CADM2: variants seen among roughly 807,000 people sequenced by gnomAD.
CADM2 encodes cell adhesion molecule 2.
A neutral mutation model predicts 49.8 loss-of-function variants in CADM2; 12 were observed. That is an observed-to-expected ratio of 0.24 (90% CI 0.15 to 0.39). The LOEUF is 0.39. Among genes scored for constraint, CADM2 ranks in the 10% least tolerant of loss-of-function variants. CADM2 has a pLI of 1.00. For missense variants in CADM2, 378 were observed against 492.3 expected, an observed-to-expected ratio of 0.77 and a Z score of 2.20; for synonymous variants, 214 against 175.4, an observed-to-expected ratio of 1.22 and a Z score of -1.74.
intron 3 of CADM2, chr3:85,828,062 G>C (rs1448676687): frequency 6.6e-6 from 1 of 151,980 alleles, no homozygotes; most frequent in African/African-American, 2.4e-5. Flanking sequence ...TGCAAGTGAA[G>C]TTGGGAAACA....
intron 1 of CADM2, among the ~76,000 whole-genome samples, chr3:85,378,306 A>G (rs988105123): frequency 6.6e-6 from 1 of 151,966 alleles, no homozygotes; most frequent in African/African-American, 2.4e-5. Flanking sequence ...TCAAGGACGC[A>G]AAATGTTTGG....
chr3:85,470,208 A>C (rs1287515401), intron 1 of CADM2, among the ~76,000 whole-genome samples: 2 of 152,216 alleles, frequency 1.3e-5, no homozygotes, highest in Admixed American at 6.5e-5. Context: ...TTATGGATAC[A>C]AACAGTGTTT....
intron 8 of CADM2, chr3:86,014,614 T>C (rs1731975916): frequency 2.5e-6 from 4 of 1,598,236 alleles, no homozygotes; most frequent in East Asian, 2.2e-5. Context: ...CTTAAAGATA[T>C]ATTCTTAGAA....
intron 2 of CADM2, among the ~76,000 whole-genome samples, chr3:85,769,129 C>A (rs1402911531): frequency 2.2e-5 from 1 of 45,054 alleles, no homozygotes; most frequent in Non-Finnish European, 3.4e-5. Context: ...CACATATATA[C>A]ATATATAGTA....
intron 1 of CADM2, among the ~76,000 whole-genome samples, chr3:85,211,153 A>G (rs534549769): frequency 7.2e-5 from 11 of 152,136 alleles, no homozygotes; most frequent in African/African-American, 2.6e-4. Flanking sequence ...TTCATTTATA[A>G]TTCTATTTCT....
intron 1 of CADM2, among the ~76,000 whole-genome samples, chr3:85,385,322 A>G (rs1576460135): frequency 6.6e-6 from 1 of 152,084 alleles, no homozygotes; most frequent in Admixed American, 6.5e-5. Flanking sequence ...TTTTCAAAAC[A>G]GAAAAAAATA....
At chr3:85,461,393 A>G (rs62250711) in intron 1 of CADM2, among the ~76,000 whole-genome samples, 1 of 151,924 alleles carries the variant, frequency 6.6e-6, no homozygotes, top group Non-Finnish European at 1.5e-5. Flanking sequence ...TTGAAGTGTA[A>G]GTTTCTTTCC....
At chr3:85,973,449 G>T (rs1194799029) in intron 8 of CADM2, among the ~76,000 whole-genome samples, 1 of 151,630 alleles carries the variant, frequency 6.6e-6, no homozygotes, top group Non-Finnish European at 1.5e-5. Flanking sequence ...AAGTGCAAAA[G>T]TTTACCATGA....
At chr3:85,151,181 C>A (rs1426528128) in intron 1 of CADM2, among the ~76,000 whole-genome samples, 1 of 152,032 alleles carries the variant, frequency 6.6e-6, no homozygotes, top group Non-Finnish European at 1.5e-5. Flanking sequence ...TTTGGGAGTG[C>A]TATAGAGACT....
intron 1 of CADM2, among the ~76,000 whole-genome samples, chr3:85,326,535 A>T (rs1459933764): frequency 6.6e-6 from 1 of 152,152 alleles, no homozygotes; most frequent in African/African-American, 2.4e-5. Context: ...ATTTTTTCAA[A>T]ATGTTCAATA....
chr3:85,681,115 T>G (rs2066028774), intron 1 of CADM2, among the ~76,000 whole-genome samples: 1 of 152,110 alleles, frequency 6.6e-6, no homozygotes, highest in Non-Finnish European at 1.5e-5. Context: ...TCATGAAAAA[T>G]TCTACCACTG....
chr3:85,258,308 C>T (rs1206712622), intron 1 of CADM2, among the ~76,000 whole-genome samples: 1 of 151,962 alleles, frequency 6.6e-6, no homozygotes, highest in Non-Finnish European at 1.5e-5. Flanking sequence ...GTAATTAATG[C>T]CCAATCAATT....
intron 1 of CADM2, among the ~76,000 whole-genome samples, chr3:85,551,119 G>A (rs548640435): frequency 9.2e-5 from 14 of 152,152 alleles, no homozygotes; most frequent in African/African-American, 3.4e-4. Context: ...AAGAAGCTGG[G>A]ACTATAGGTG....
intron 1 of CADM2, among the ~76,000 whole-genome samples, chr3:85,629,056 G>C (rs1366685423): frequency 6.6e-6 from 1 of 151,558 alleles, no homozygotes; most frequent in Non-Finnish European, 1.5e-5. Context: ...TCATTTTTGT[G>C]CATACAATAG....
intron 8 of CADM2, among the ~76,000 whole-genome samples, chr3:85,964,334 T>G (rs2108623314): frequency 6.6e-6 from 1 of 151,910 alleles, no homozygotes; most frequent in Admixed American, 6.6e-5. Flanking sequence ...GACCCGTGTC[T>G]TTGACTCTAC....
chr3:85,670,038 A>C (rs2065689009), intron 1 of CADM2, among the ~76,000 whole-genome samples: 1 of 152,070 alleles, frequency 6.6e-6, no homozygotes, highest in Admixed American at 6.6e-5. Flanking sequence ...CAGTTTCCTT[A>C]TCTGTAAATT....
intron 6 of CADM2, among the ~76,000 whole-genome samples, chr3:85,916,564 T>G (rs1376630208): frequency 1.3e-5 from 2 of 152,002 alleles, no homozygotes; most frequent in African/African-American, 4.8e-5. Context: ...CTTAATCCAG[T>G]CTATCATTGT....
chr3:85,474,738 A>G (rs550321136), intron 1 of CADM2, among the ~76,000 whole-genome samples: 1 of 152,094 alleles, frequency 6.6e-6, no homozygotes, highest in South Asian at 2.1e-4. Context: ...TTGTTATACA[A>G]ATTTAATGAC....
At chr3:85,798,202 C>T (rs1349229286) in intron 2 of CADM2, among the ~76,000 whole-genome samples, 8 of 151,160 alleles carry the variant, frequency 5.3e-5, no homozygotes, top group Non-Finnish European at 1.0e-4. Context: ...CAAAAATTTT[C>T]TCCCATTCCT....
Sources: allele counts gnomAD v4.1 joint callset (sites outside exome capture counted in the v4.1 genomes callset), GRCh38; gene constraint gnomAD v4.1.1; transcripts MANE v1.5; gene names NCBI Gene and HGNC (gene_info 2026-07-23, HGNC 2026-07-21).